MAGOH: variants seen among roughly 807,000 people sequenced by gnomAD.
MAGOH encodes the protein mago homolog, exon junction complex subunit, also known as protein mago nashi homolog.
Under a neutral mutation model 20.9 loss-of-function variants are expected in MAGOH, and 3 were observed. The observed-to-expected ratio is 0.14, with a 90% confidence interval of 0.07 to 0.37. MAGOH has a LOEUF of 0.37. MAGOH is among the 10% of genes least tolerant of loss of function. MAGOH has a pLI of 1.00. For synonymous variants in MAGOH, 51 were observed against 61.0 expected (o/e 0.84, Z 0.76); for missense variants, 66 against 178.1 (o/e 0.37, Z 3.58).
intron 3 of MAGOH, among the ~76,000 whole-genome samples, chr1:53,230,658 C>T (rs940887727): frequency 2.0e-5 from 3 of 151,932 alleles, no homozygotes; most frequent in Middle Eastern, 3.2e-3. Flanking sequence ...GAGCTCCTGG[C>T]CTCAAGTCAT....
rs779588000 is a variant in MAGOH, at chr1:53,233,539, C to T, written c.258+3G>A. 2.5e-6 allele frequency: 4 copies of T among 1,609,586 alleles called. 1 individual carries two copies. The South Asian group carries it at 4.4e-5, about 18-fold the overall frequency. On this transcript the variant is annotated splice_donor_region_variant and intron_variant, in intron 3 of 4. Coordinates refer to ENST00000371470, the MANE Select transcript of MAGOH (RefSeq NM_002370.4). ...GCACTACAGGATAATCAATAAAACA[C>T]ACCTGCCGGCCCACTCGGTCAGGAG... is the stretch of plus-strand genomic sequence containing the variant.
At chr1:53,235,877 T>C (rs1002968946) in intron 1 of MAGOH, among the ~76,000 whole-genome samples, 3 of 152,216 alleles carry the variant, frequency 2.0e-5, no homozygotes, top group African/African-American at 4.8e-5. Flanking sequence ...AGGTGGGGTA[T>C]AAACACAGGC....
At chr1:53,237,107 C>G (rs1645614418) in intron 1 of MAGOH, among the ~76,000 whole-genome samples, 1 of 151,670 alleles carries the variant, frequency 6.6e-6, no homozygotes, top group South Asian at 2.1e-4. Context: ...TGCCACCACA[C>G]CCGGCTAATT....
At chr1:53,232,194 G>A (rs1645589363) in intron 3 of MAGOH, among the ~76,000 whole-genome samples, 1 of 152,094 alleles carries the variant, frequency 6.6e-6, no homozygotes, top group Non-Finnish European at 1.5e-5. Flanking sequence ...ACTTTAGTAA[G>A]TACTGAGGGT....
chr1:53,232,751 A>G (rs923548177), intron 3 of MAGOH, among the ~76,000 whole-genome samples: 1 of 152,218 alleles, frequency 6.6e-6, no homozygotes, highest in Non-Finnish European at 1.5e-5. Context: ...TTTTAAGTAC[A>G]GTGGGAAGCC....
At chr1:53,230,466 G>C (rs1192493746) in intron 3 of MAGOH, among the ~76,000 whole-genome samples, 1 of 152,168 alleles carries the variant, frequency 6.6e-6, no homozygotes, top group Non-Finnish European at 1.5e-5. Flanking sequence ...CACTGAAGCT[G>C]AAGTATAGTA....
intron 3 of MAGOH, 34 bp from the exon 4 acceptor site, chr1:53,228,988 A>G (rs1409132805): frequency 7.2e-7 from 1 of 1,398,380 alleles, no homozygotes; most frequent in East Asian, 2.3e-5. Flanking sequence ...AGTCAAGTAG[A>G]ATTGGATTAT....
At chr1:53,233,969 T>C (rs1267362717) in intron 2 of MAGOH, 15 of 231,722 alleles carry the variant, frequency 6.5e-5, no homozygotes, top group Non-Finnish European at 8.6e-6. Flanking sequence ...TGCCATGGTT[T>C]GAATGTTTTT....
intron 4 of MAGOH, among the ~76,000 whole-genome samples, chr1:53,227,691 C>T (rs1645567095): frequency 6.6e-6 from 1 of 152,080 alleles, no homozygotes; most frequent in South Asian, 2.1e-4. Context: ...CAGGCATGCA[C>T]CACGCCTGGC....
chr1:53,235,124 T>G, intron 2 of MAGOH, among the ~76,000 whole-genome samples: 1 of 152,240 alleles, frequency 6.6e-6, no homozygotes, highest in African/African-American at 2.4e-5. Flanking sequence ...TGCTTTCCCA[T>G]GCTCCCTTTC....
At chr1:53,228,222 G>A (rs1645569907) in intron 4 of MAGOH, among the ~76,000 whole-genome samples, 1 of 152,064 alleles carries the variant, frequency 6.6e-6, no homozygotes, top group South Asian at 2.1e-4. Flanking sequence ...ATGAGGTCAG[G>A]AGTTCAAGAC....
chr1:53,229,588 A>G (rs565085988), intron 3 of MAGOH, among the ~76,000 whole-genome samples: 1 of 152,264 alleles, frequency 6.6e-6, no homozygotes, highest in Non-Finnish European at 1.5e-5. Context: ...ATTGTCAACA[A>G]TGTGGAGTAA....
At chr1:53,230,379 C>T (rs10788949) in intron 3 of MAGOH, among the ~76,000 whole-genome samples, 39,699 of 151,916 alleles carry the variant, frequency 0.26, 6,167 homozygotes, top group East Asian at 0.45. Context: ...TCCTGTATCC[C>T]GATTTGTTCC....
At chr1:53,229,219 GAC>G (rs1645574502) in intron 3 of MAGOH, among the ~76,000 whole-genome samples, 2 of 147,472 alleles carry the variant, frequency 1.4e-5, no homozygotes, top group Admixed American at 6.8e-5. Context: ...TTTTTCCTGA[GAC>G]AGAGTCTCAC....
chr1:53,233,782 T>C, intron 2 of MAGOH, 130 bp from the exon 3 acceptor site: 1 of 669,720 alleles, frequency 1.5e-6, no homozygotes, highest in South Asian at 1.7e-5. Flanking sequence ...GGGAAGACAT[T>C]CATGCTCAAC....
chr1:53,235,431 G>T, intron 2 of MAGOH, 146 bp downstream of exon 2: 1 of 674,138 alleles, frequency 1.5e-6, no homozygotes. Context: ...AAGATGATTT[G>T]GGAAATAATC....
At chr1:53,227,196 T>C in intron 4 of MAGOH, 52 bp from the exon 5 acceptor site, 2 of 1,000,950 alleles carry the variant, frequency 2.0e-6, no homozygotes, top group Non-Finnish European at 3.0e-6. Context: ...ACCCATCAAG[T>C]GTCCCTAAAA....
At chr1:53,234,498 T>C (rs6588472) in intron 2 of MAGOH, among the ~76,000 whole-genome samples, 108,489 of 151,024 alleles carry the variant, frequency 0.72, 39,797 homozygotes, top group African/African-American at 0.87. Context: ...CTCAGCCTCC[T>C]AAGTAGCTGG....
chr1:53,236,714 A>G (rs1189427725), intron 1 of MAGOH, among the ~76,000 whole-genome samples: 1 of 152,044 alleles, frequency 6.6e-6, no homozygotes, highest in African/African-American at 2.4e-5. Context: ...ACAACACCTA[A>G]TGTGCTGTTT....
Sources: gnomAD v4.1 joint callset for allele counts (sites outside exome capture counted in the v4.1 genomes callset) on GRCh38, gnomAD v4.1.1 for gene constraint, MANE v1.5 for transcripts, NCBI Gene and HGNC (gene_info 2026-07-23, HGNC 2026-07-21) for gene names.